The following TSPAN9 variants were observed in gnomAD, a reference collection of about 807,000 sequenced individuals.
TSPAN9 encodes the protein tetraspanin-9.
TSPAN9 carries 16 observed loss-of-function variants against 31.0 expected under a neutral mutation model. That is an observed-to-expected ratio of 0.52 (90% CI 0.35 to 0.78). The LOEUF (loss-of-function observed/expected upper bound fraction) is 0.78, where lower values mean the gene tolerates loss of function less well. Ranked by LOEUF, TSPAN9 falls within the 30% of genes least tolerant of loss-of-function variation. The pLI, the probability that TSPAN9 is intolerant of heterozygous loss-of-function variation, is 0.01. For synonymous variants in TSPAN9, 145 were observed against 121.6 expected, an observed-to-expected ratio of 1.19 and a Z score of -1.27; for missense variants, 272 against 312.5, an observed-to-expected ratio of 0.87 and a Z score of 0.98.
chr12:3,138,648 A>T (rs113572996), intron 2 of TSPAN9, among the ~76,000 whole-genome samples: 2 of 151,318 alleles, frequency 1.3e-5, no homozygotes, highest in East Asian at 2.0e-4. Context: ...AAAAAAAAGG[A>T]CTTTTTTTTC....
intron 3 of TSPAN9, among the ~76,000 whole-genome samples, chr12:3,263,630 T>C (rs1035152996): frequency 1.3e-5 from 2 of 152,176 alleles, no homozygotes; most frequent in African/African-American, 4.8e-5. Context: ...TGTCTGTTTA[T>C]GAAAACCAGG....
chr12:3,239,453 C>G (rs1221560761), intron 3 of TSPAN9, among the ~76,000 whole-genome samples: 18 of 152,228 alleles, frequency 1.2e-4, no homozygotes, highest in Admixed American at 1.2e-3. Context: ...TTAACATGAT[C>G]ATGATGGTGC....
In TSPAN9 at chr12:3,168,374, G is replaced by A. The variant is rs554271048; in HGVS notation, c.-17-32803G>A. ...GAGGGGAGCCAAAATCTGTGCCTTCGCAATATGTTCCGGGTGCTGTAGGGG... is the reference window on the plus strand; with the variant it reads ...GAGGGGAGCCAAAATCTGTGCCTTCACAATATGTTCCGGGTGCTGTAGGGG... On this transcript the variant is annotated intron_variant, in intron 2 of 8. Transcript: ENST00000011898. This position sits in a 1 kb window ranked among gnomAD's most constrained non-coding sequence, Gnocchi z 4.0. Among the ~76,000 whole-genome samples, 10 of 152,216 alleles carry A rather than the reference G, an allele frequency of 6.6e-5. No individual in the cohort carries two copies. In the East Asian group the frequency reaches 7.7e-4, roughly 12 times the overall value.
rs567617173 is a variant in TSPAN9 at position 3,177,255 on chromosome 12, A to G, written c.-17-23922A>G. Among the ~76,000 whole-genome samples, 5 of 152,068 alleles carry G rather than the reference A, an allele frequency of 3.3e-5. No homozygotes were observed. In the South Asian group the frequency reaches 1.0e-3, roughly 32 times the overall value. On this transcript the variant is annotated intron_variant, in intron 2 of 8. Coordinates refer to ENST00000011898, the MANE Select transcript of TSPAN9 (RefSeq NM_006675.5). ...TGGGTTCACACCATTCTCCTGCCTCAGCCTCCCAAGTAGCTGGGACTACAG... is the reference window on the plus strand; with the variant it reads ...TGGGTTCACACCATTCTCCTGCCTCGGCCTCCCAAGTAGCTGGGACTACAG...
At chr12:3,281,408 T>C in intron 7 of TSPAN9, 79 bp downstream of exon 7, 1 of 1,451,256 alleles carries the variant, frequency 6.9e-7, no homozygotes, top group Non-Finnish European at 9.1e-7. Context: ...TAGGGGAGGC[T>C]GGGCCCGGGA....
intron 2 of TSPAN9, among the ~76,000 whole-genome samples, chr12:3,119,044 T>C (rs1351788406): frequency 6.6e-6 from 1 of 152,182 alleles, no homozygotes; most frequent in Non-Finnish European, 1.5e-5. Context: ...TATCAGCAGA[T>C]GCAACCCCTT....
chr12:3,269,952 C>T lies in TSPAN9; in HGVS notation c.64-8469C>T, dbSNP rs527253773. Among the ~76,000 whole-genome samples, 24 of 152,330 alleles carry T rather than the reference C, an allele frequency of 1.6e-4. No homozygotes were observed. In the East Asian group the frequency reaches 4.3e-3, roughly 27 times the overall value. ...GTAGGGCTGCGGCGGCAGCGGGAAT[C>T]GATGTTTATGGACTGGTGAATGATC... On this transcript the variant is annotated intron_variant, in intron 3 of 8. Coordinates refer to ENST00000011898, the MANE Select transcript of TSPAN9 (RefSeq NM_006675.5).
chr12:3,195,234 G>A (rs2153972371), intron 2 of TSPAN9, among the ~76,000 whole-genome samples: 1 of 152,302 alleles, frequency 6.6e-6, no homozygotes, highest in South Asian at 2.1e-4. Flanking sequence ...TGTGGGTGAG[G>A]GAGAGACCAA....
At position 3,285,066 on chromosome 12, in the gene TSPAN9, G is replaced by A. The variant is rs562228946; in HGVS notation, c.*1950G>A. 1 of 152,340 alleles carries A rather than the reference G, an allele frequency of 6.6e-6. No homozygotes were observed. Among genetic ancestry groups the A allele is most frequent in the Non-Finnish European group, 1.5e-5 (1 of 68,048 alleles). The allele number at this position is 152,340 out of a possible 1,614,324, so 9.4% of individuals were successfully genotyped here. On this transcript the variant is annotated 3_prime_UTR_variant, in exon 9 of 9. Coordinates refer to ENST00000011898, the MANE Select transcript of TSPAN9 (RefSeq NM_006675.5). ...CTGAGACAGGGGCAGTGGTGCTGAT[G>A]GAATGTGGGGGAGGCCCACATTTGA...
intron 2 of TSPAN9, among the ~76,000 whole-genome samples, chr12:3,180,926 G>C (rs760320464): frequency 6.6e-6 from 1 of 151,494 alleles, no homozygotes; most frequent in African/African-American, 2.4e-5. Context: ...TGTGCCAGGC[G>C]CTTAGGTGGT....
intron 2 of TSPAN9, among the ~76,000 whole-genome samples, chr12:3,090,293 A>G (rs1382352393): frequency 6.6e-6 from 1 of 152,176 alleles, no homozygotes; most frequent in African/African-American, 2.4e-5. Context: ...GACCACCCCA[A>G]AATATAGTGG....
Position 3,283,125 on chromosome 12 carries a change from G to T in TSPAN9, c.*9G>T, listed in dbSNP as rs1385585988. The T allele has an allele frequency of 1.2e-6, 2 of 1,606,746 alleles. No individual in the cohort carries two copies. Among genetic ancestry groups the T allele is most frequent in the South Asian group, 1.1e-5 (1 of 91,044 alleles). ...AGAAGTACGACGCATGAGCGGGCTG[G>T]CCGGGAGTGCCCACCCCGCCCTGCT... On this transcript the variant is annotated 3_prime_UTR_variant, in exon 9 of 9. Coordinates refer to ENST00000011898, the MANE Select transcript of TSPAN9 (RefSeq NM_006675.5).
intron 2 of TSPAN9, among the ~76,000 whole-genome samples, chr12:3,135,806 C>T (rs1044747689): frequency 2.0e-5 from 3 of 152,146 alleles, no homozygotes; most frequent in African/African-American, 7.2e-5. Context: ...GGGATGAAGC[C>T]GAGGCAGCCC....
chr12:3,096,433 C>CTTTTTTTTTTTTTTTTTTTTTTTTTTT (rs1302577208), intron 2 of TSPAN9, among the ~76,000 whole-genome samples: 6 of 152,122 alleles, frequency 3.9e-5, no homozygotes, highest in East Asian at 3.9e-4. Context: ...TGCATTGTCT[C>CTTTTTTTTTTTTTTTTTTTTTTTTTTT]TTTATTCCTT....
chr12:3,166,290 A>G (rs2098348384), intron 2 of TSPAN9, among the ~76,000 whole-genome samples: 1 of 152,256 alleles, frequency 6.6e-6, no homozygotes, highest in Admixed American at 6.5e-5. Context: ...TGCAAGCAGT[A>G]ACGCTGCCTT....
intron 3 of TSPAN9, among the ~76,000 whole-genome samples, chr12:3,260,182 G>A (rs1862422193): frequency 6.6e-6 from 1 of 152,248 alleles, no homozygotes; most frequent in Non-Finnish European, 1.5e-5. Context: ...GGCCCCTCAG[G>A]GCATTTTACC....
intron 2 of TSPAN9, among the ~76,000 whole-genome samples, chr12:3,154,364 A>C (rs1486020587): frequency 6.6e-6 from 1 of 152,160 alleles, no homozygotes; most frequent in East Asian, 1.9e-4. Context: ...GATTTTGCGT[A>C]TGTTGCTTCA....
chr12:3,154,321 C>T (rs2098341226), intron 2 of TSPAN9, among the ~76,000 whole-genome samples: 1 of 152,180 alleles, frequency 6.6e-6, no homozygotes, highest in South Asian at 2.1e-4. Flanking sequence ...TTTATCCTAT[C>T]TCCAGCTTCG....
At chr12:3,261,964 G>A (rs1862458045) in intron 3 of TSPAN9, among the ~76,000 whole-genome samples, 1 of 152,252 alleles carries the variant, frequency 6.6e-6, no homozygotes, top group African/African-American at 2.4e-5. Context: ...GGAAGGGGCA[G>A]AGTCTGCAGG....
Sources: allele counts gnomAD v4.1 joint callset (sites outside exome capture counted in the v4.1 genomes callset), GRCh38; gene constraint gnomAD v4.1.1; non-coding constraint Gnocchi (gnomAD v3.1); transcripts MANE v1.5; gene names NCBI Gene and HGNC (gene_info 2026-07-23, HGNC 2026-07-21).